Variants in BRCA2 observed in about 807,000 individuals in gnomAD.
The protein encoded by BRCA2 is breast cancer type 2 susceptibility protein.
A neutral mutation model predicts 276.7 loss-of-function variants in BRCA2; 203 were observed. That is an observed-to-expected ratio of 0.73 (90% confidence interval 0.65 to 0.82). The LOEUF (loss-of-function observed/expected upper bound fraction) is 0.82, where lower values mean the gene tolerates loss of function less well. Among genes scored for constraint, BRCA2 ranks in the 40% least tolerant of loss-of-function variants. The probability of loss-of-function intolerance (pLI) is 0.00; values close to 1 mark genes in which losing one functional copy is unlikely to be tolerated. For missense variants in BRCA2, 3,920 were observed against 3,915.0 expected (o/e 1.00, Z -0.03); for synonymous variants, 1,289 against 1,338.4 (o/e 0.96, Z 0.81).
intron 18 of BRCA2, among the ~76,000 whole-genome samples, chr13:32,367,871 A>G (rs532079215): frequency 6.6e-5 from 10 of 152,170 alleles, no homozygotes; most frequent in African/African-American, 2.4e-4. Context: ...TATATGATCT[A>G]TATTTTGGGA....
At chr13:32,397,236 A>C (rs2073043332) in intron 26 of BRCA2, among the ~76,000 whole-genome samples, 192 bp downstream of exon 26, 1 of 152,250 alleles carries the variant, frequency 6.6e-6, no homozygotes. Flanking sequence ...CTCTGGGTGC[A>C]CACTTTCCAA....
At chr13:32,388,633 T>G (rs2072977625) in intron 24 of BRCA2, among the ~76,000 whole-genome samples, 2 of 151,590 alleles carry the variant, frequency 1.3e-5, no homozygotes, top group Non-Finnish European at 2.9e-5. Flanking sequence ...CTAACCTCTA[T>G]GCTCAGTAGG....
At position 32,379,479 on chromosome 13, in the gene BRCA2, C is replaced by G. The variant is rs45469092; in HGVS notation, c.8917C>G (p.Arg2973Gly). 6.2e-7 allele frequency: 1 copy of G among 1,613,054 alleles called. No individual in the cohort carries two copies. Among genetic ancestry groups the G allele is most frequent in the East Asian group, 2.2e-5 (1 of 44,834 alleles). ...SRDVTTVWKL[R>G]IVSYSKKEKD... ...GGATGTCACAACCGTGTGGAAGTTG[C>G]GTATTGTAAGCTATTCAAAAAAAGA... is the stretch of plus-strand genomic sequence containing the variant. The change falls in exon 22 of 27, where the codon CGT becomes GGT. Residue 2973 changes from arginine (R) to glycine (G), a missense_variant. Arg to Gly is a moderately radical substitution (Grantham distance 125). Coordinates refer to ENST00000380152, the MANE Select transcript of BRCA2 (RefSeq NM_000059.4).
rs886040419 is a variant in BRCA2 at position 32,336,624 on chromosome 13, A to T, written c.2269A>T (p.Lys757Ter). The T allele has an allele frequency of 6.2e-7, 1 of 1,614,082 alleles. No homozygotes were observed. Among genetic ancestry groups the T allele is most frequent in the Non-Finnish European group, 8.5e-7 (1 of 1,179,980 alleles). ...EYSDTDFQSQKSLLYDHENAS... is the reference protein window; with the variant it reads ...EYSDTDFQSQ ...CAGTGATACTGACTTTCAATCCCAG[A>T]AAAGTCTTTTATATGATCATGAAAA... Residue 757 changes from lysine to a stop codon, truncating the protein, a stop_gained, in exon 11 of 27, where the codon AAA (lysine) becomes TAA (stop). Coordinates refer to ENST00000380152, the MANE Select transcript of BRCA2 (RefSeq NM_000059.4). LOFTEE classifies it high-confidence loss of function.
chr13:32,366,370 C>A (rs1035498058), intron 18 of BRCA2, among the ~76,000 whole-genome samples: 1 of 152,034 alleles, frequency 6.6e-6, no homozygotes, highest in South Asian at 2.1e-4. Context: ...TACTCTTTTA[C>A]GTATATTTGT....
chr13:32,349,586 C>G (rs751804859), intron 13 of BRCA2, among the ~76,000 whole-genome samples: 1 of 151,750 alleles, frequency 6.6e-6, no homozygotes, highest in Non-Finnish European at 1.5e-5. Context: ...GAGGCTGAGG[C>G]GGGTGAATCA....
In BRCA2 at chr13:32,399,918, T is replaced by G. The variant is rs552453640; in HGVS notation, c.*1148T>G. On this transcript the variant is annotated 3_prime_UTR_variant, in exon 27 of 27. Transcript: ENST00000380152. Reference sequence around the variant, plus strand: ...TCCCACCTCAAGCCTCCCTAGTAGCTGGGATTACAGGGACGCACCACCATG... The same window carrying G: ...TCCCACCTCAAGCCTCCCTAGTAGCGGGGATTACAGGGACGCACCACCATG... 2.6e-5 allele frequency: 4 copies of G among 152,254 alleles called. No individual in the cohort carries two copies. The highest frequency in any genetic ancestry group is 2.6e-4 in the Admixed American group (4 of 15,284). 9.4% of individuals were successfully genotyped at this position (152,254 alleles called of 1,614,324 possible). A position where few individuals can be genotyped will look rare whatever the true frequency, so the allele number is the denominator to read the frequency against.
rs2137492335 is a variant in BRCA2, at chr13:32,337,379, C to T, written c.3024C>T (p.Ser1008=). Residue 1008 remains serine (S), a synonymous_variant, in exon 11 of 27, where the codon AGC becomes AGT. Transcript: ENST00000380152. ...TTTCAAATCACAGTTTTGGAGGTAG[C>T]TTCAGAACAGCTTCAAATAAGGAAA... is the stretch of plus-strand genomic sequence containing the variant. The part of the protein sequence containing the change: ...GPISNHSFGG[S]FRTASNKEIK... The T allele has an allele frequency of 6.2e-7, 1 of 1,613,832 alleles. No individual in the cohort carries two copies.
intron 18 of BRCA2, among the ~76,000 whole-genome samples, chr13:32,369,707 G>A (rs763393419): frequency 1.3e-5 from 2 of 152,034 alleles, no homozygotes; most frequent in Non-Finnish European, 2.9e-5. Flanking sequence ...CCGAGTAGCT[G>A]GGATTACAGG....
rs587781801 is a variant in BRCA2, at chr13:32,333,243, A to G, written c.1765A>G (p.Lys589Glu). Residue 589 changes from lysine (K) to glutamate (E), a missense_variant, in exon 10 of 27, where the codon AAG (lysine) becomes GAG (glutamate). By Grantham distance (56) the Lys-to-Glu change is moderately conservative (BLOSUM62 1). Coordinates refer to ENST00000380152, the MANE Select transcript of BRCA2 (RefSeq NM_000059.4). ...ATCCACTTTGAAAAAGAAAACAAAT[A>G]AGTTTATTTATGCTATACATGATGA... ...LISTLKKKTN[K>E]FIYAIHDETS... 1 of 1,612,310 alleles carries G rather than the reference A, an allele frequency of 6.2e-7. No individual in the cohort carries two copies. The highest frequency in any genetic ancestry group is 8.5e-7 in the Non-Finnish European group (1 of 1,178,952).
At chr13:32,358,108 C>G (rs1486401218) in intron 16 of BRCA2, among the ~76,000 whole-genome samples, 179 bp downstream of exon 16, 1 of 152,102 alleles carries the variant, frequency 6.6e-6, no homozygotes, top group Non-Finnish European at 1.5e-5. Context: ...GCTGTTTGTC[C>G]TGGGGTTTAA....
intron 24 of BRCA2, among the ~76,000 whole-genome samples, chr13:32,381,922 T>C (rs1474145268): frequency 1.3e-5 from 2 of 152,042 alleles, no homozygotes; most frequent in Admixed American, 6.5e-5. Flanking sequence ...GGTCTGAACA[T>C]TGGGAAAAAT....
chr13:32,338,840 C>G lies in BRCA2; in HGVS notation c.4485C>G (p.Val1495=), dbSNP rs863224307. 1 of 1,613,556 alleles carries G rather than the reference C, an allele frequency of 6.2e-7. No homozygotes were observed. The highest frequency in any genetic ancestry group is 1.7e-5 in the Admixed American group (1 of 60,014). ...AACACAAAATACTGAAAGAAAGTGT[C>G]CCAGTTGGTACTGGAAATCAACTAG... ...IVKHKILKES[V]PVGTGNQLVT... is the part of the protein sequence containing the mutation. The change falls in exon 11 of 27, where the codon GTC becomes GTG. Residue 1495 remains valine, a synonymous_variant. Coordinates refer to ENST00000380152, the MANE Select transcript of BRCA2 (RefSeq NM_000059.4).
At chr13:32,381,233 T>C (rs61352722) in intron 24 of BRCA2, among the ~76,000 whole-genome samples, 14 of 152,326 alleles carry the variant, frequency 9.2e-5, no homozygotes, top group African/African-American at 3.4e-4. Context: ...GCTGGGTACA[T>C]AGCGATTAAC....
Position 32,398,529 on chromosome 13 carries a change from T to C in BRCA2, c.10016T>C (p.Ile3339Thr), listed in dbSNP as rs1566261317. ...ATTTCTCTTTTGGAAAGTAATTCAATAGCTGACGAAGAACTTGCATTGATA... is the reference window on the plus strand; with the variant it reads ...ATTTCTCTTTTGGAAAGTAATTCAACAGCTGACGAAGAACTTGCATTGATA... ...NEISLLESNS[I>T]ADEELALINT... The change falls in exon 27 of 27, where the codon ATA becomes ACA. Residue 3339 changes from isoleucine to threonine, a missense_variant. Ile to Thr is a moderately conservative substitution (Grantham distance 89). Coordinates refer to ENST00000380152, the MANE Select transcript of BRCA2 (RefSeq NM_000059.4). 6.2e-7 allele frequency: 1 copy of C among 1,614,206 alleles called. No homozygotes were observed. The highest frequency in any genetic ancestry group is 1.7e-5 in the Admixed American group (1 of 60,018).
intron 3 of BRCA2, among the ~76,000 whole-genome samples, chr13:32,324,066 G>C (rs569317685): frequency 5.3e-5 from 8 of 152,184 alleles, no homozygotes; most frequent in African/African-American, 1.9e-4. Flanking sequence ...TATTTCAGGA[G>C]TGACTAATAT....
intron 24 of BRCA2, among the ~76,000 whole-genome samples, chr13:32,383,282 C>G (rs532625352): frequency 1.2e-3 from 186 of 152,228 alleles, no homozygotes; most frequent in African/African-American, 4.3e-3. Context: ...ATGGCGTGAA[C>G]CTGGGAGGTG....
rs730881538 is a variant in BRCA2 at position 32,339,999 on chromosome 13, T to C, written c.5644T>C (p.Ser1882Pro). Residue 1882 changes from serine to proline, a missense_variant, in exon 11 of 27, where the codon TCA becomes CCA. This residue lies in a region of BRCA2 where 3,263 missense variants were observed against 3,156.9 expected (regional missense o/e 1.03). Transcript: ENST00000380152. ...AATTAAGGAAAACAACGAGAATAAATCAAAAATTTGCCAAACGAAAATTAT... is the reference window on the plus strand; with the variant it reads ...AATTAAGGAAAACAACGAGAATAAACCAAAAATTTGCCAAACGAAAATTAT... ...KVIKENNENK[S>P]KICQTKIMAG... is the part of the protein sequence containing the mutation. The C allele has an allele frequency of 1.9e-5, 30 of 1,612,576 alleles. No individual in the cohort carries two copies. The highest frequency in any genetic ancestry group is 2.5e-5 in the Non-Finnish European group (29 of 1,179,526).
chr13:32,381,538 C>T (rs965810578), intron 24 of BRCA2, among the ~76,000 whole-genome samples: 17 of 152,018 alleles, frequency 1.1e-4, no homozygotes, highest in Admixed American at 2.6e-4. Flanking sequence ...TTACAAAGGC[C>T]GCAGTACAGC....
Sources: gnomAD v4.1 joint callset for allele counts (sites outside exome capture counted in the v4.1 genomes callset) on GRCh38, gnomAD v4.1.1 for gene constraint, gnomAD v4.1.1 regional missense constraint, MANE v1.5 for transcripts, NCBI Gene and HGNC (gene_info 2026-07-23, HGNC 2026-07-21) for gene names.